Variants in MLIP observed in about 807,000 individuals in gnomAD.
MLIP encodes muscular LMNA-interacting protein.
In MLIP, 79 loss-of-function variants were observed where a neutral mutation model predicts 84.8. The observed-to-expected ratio is 0.93, with a 90% CI of 0.78 to 1.12. MLIP has a LOEUF of 1.12. MLIP is among the 50% of genes most tolerant of loss of function. The pLI is 0.00. For synonymous variants in MLIP, 504 were observed against 463.0 expected (o/e 1.09, Z -1.14); for missense variants, 1,257 against 1,160.6 (o/e 1.08, Z -1.21).
At chr6:54,170,093 T>G (rs547087424) in intron 9 of MLIP, among the ~76,000 whole-genome samples, 1 of 151,818 alleles carries the variant, frequency 6.6e-6, no homozygotes, top group East Asian at 1.9e-4. Context: ...TATGAGTAGC[T>G]GGCTCTGAGT....
intron 1 of MLIP, among the ~76,000 whole-genome samples, chr6:54,086,870 C>A (rs757206696): frequency 1.4e-4 from 22 of 152,314 alleles, no homozygotes; most frequent in African/African-American, 5.3e-4. Context: ...GAAGCCTTCT[C>A]TGTCCAACCT....
At chr6:54,055,841 G>A (rs1184944837) in intron 1 of MLIP, among the ~76,000 whole-genome samples, 1 of 152,074 alleles carries the variant, frequency 6.6e-6, no homozygotes, top group African/African-American at 2.4e-5. Flanking sequence ...TGAAGGAGGA[G>A]TGCCTGCTAA....
intron 9 of MLIP, among the ~76,000 whole-genome samples, chr6:54,172,573 C>T (rs957324516): frequency 1.3e-5 from 2 of 151,506 alleles, no homozygotes; most frequent in African/African-American, 4.8e-5. Flanking sequence ...AACCAACTTA[C>T]AAATTTGCTA....
chr6:54,256,561 A>G (rs573818070), intron 12 of MLIP, among the ~76,000 whole-genome samples: 1 of 152,260 alleles, frequency 6.6e-6, no homozygotes, highest in African/African-American at 2.4e-5. Flanking sequence ...AACAGATTTC[A>G]TTACAAACGT....
intron 4 of MLIP, among the ~76,000 whole-genome samples, chr6:54,143,452 T>G (rs1238286002): frequency 3.3e-5 from 5 of 152,080 alleles, no homozygotes; most frequent in African/African-American, 4.8e-5. Flanking sequence ...GTGATCCGCC[T>G]GCCTTGGCCC....
chr6:54,180,963 C>T (rs1250665323), intron 9 of MLIP, among the ~76,000 whole-genome samples: 1 of 152,048 alleles, frequency 6.6e-6, no homozygotes, highest in African/African-American at 2.4e-5. Context: ...ACAGTCTGGG[C>T]TTGCTTATGC....
intron 13 of MLIP, among the ~76,000 whole-genome samples, chr6:54,264,099 G>T (rs1448454916): frequency 6.6e-6 from 1 of 152,032 alleles, no homozygotes; most frequent in Non-Finnish European, 1.5e-5. Flanking sequence ...TATTTGACCT[G>T]CTGGTGGGTT....
chr6:54,194,439 C>T (rs570054435), intron 10 of MLIP, among the ~76,000 whole-genome samples: 1 of 152,170 alleles, frequency 6.6e-6, no homozygotes, highest in Admixed American at 6.5e-5. Flanking sequence ...TCAATCTGGC[C>T]AATCTGTATT....
intron 1 of MLIP, among the ~76,000 whole-genome samples, chr6:54,019,478 A>G (rs1322001140): frequency 6.6e-6 from 1 of 152,176 alleles, no homozygotes; most frequent in East Asian, 1.9e-4. Context: ...CAAGAAAAAT[A>G]AGTATTATAG....
intron 1 of MLIP, among the ~76,000 whole-genome samples, chr6:54,113,882 A>G (rs746982101): frequency 7.2e-5 from 11 of 152,222 alleles, no homozygotes; most frequent in Non-Finnish European, 1.5e-4. Context: ...ATGGTCAATC[A>G]TTTGCTCTAC....
intron 9 of MLIP, among the ~76,000 whole-genome samples, chr6:54,181,020 T>A (rs918933083): frequency 3.3e-5 from 5 of 152,230 alleles, no homozygotes; most frequent in African/African-American, 1.2e-4. Flanking sequence ...TTCCCTTACT[T>A]TCTCTCAGAG....
In MLIP at chr6:54,138,220, G is replaced by A; in HGVS notation, c.2151G>A (p.Arg717=). The change falls in exon 4 of 14, where the codon AGG becomes AGA. Residue 717 remains arginine, a synonymous_variant. Coordinates refer to ENST00000502396, the MANE Select transcript of MLIP (RefSeq NM_001281747.2). ...STPSLPISLT[R]TEELISPCAL... is the part of the protein sequence containing the mutation. ...CATCACTTCCCATATCTCTAACAAG[G>A]ACAGAGGAGCTGATTTCACCTTGTG... is the stretch of plus-strand genomic sequence containing the variant. The A allele has an allele frequency of 3.3e-6, 5 of 1,536,060 alleles. No individual in the cohort carries two copies. The highest frequency in any genetic ancestry group is 1.2e-5 in the South Asian group (1 of 84,058).
intron 1 of MLIP, among the ~76,000 whole-genome samples, chr6:54,021,984 G>T (rs919603540): frequency 2.6e-5 from 4 of 152,148 alleles, no homozygotes; most frequent in African/African-American, 9.7e-5. Context: ...ATTTTTGTGG[G>T]AAATGGTAGA....
Position 54,160,355 on chromosome 6 carries a change from A to T in MLIP, c.2290-12A>T, listed in dbSNP as rs1212762901. On this transcript the variant is annotated splice_polypyrimidine_tract_variant and intron_variant, in intron 5 of 13. Transcript: ENST00000502396. ...AGAAGCCTCATATAAGAACTATTTC[A>T]TTTGTCACTAGGCACTAGATGAACC... 1.2e-6 allele frequency: 2 copies of T among 1,610,056 alleles called. No homozygotes were observed. The highest frequency in any genetic ancestry group is 8.5e-7 in the Non-Finnish European group (1 of 1,177,344).
intron 3 of MLIP, among the ~76,000 whole-genome samples, chr6:54,133,987 G>T (rs1771602678): frequency 6.6e-6 from 1 of 151,868 alleles, no homozygotes; most frequent in South Asian, 2.1e-4. Flanking sequence ...GATGAGGTAA[G>T]AAATAAATGG....
At chr6:54,068,121 TCCCTC>T (rs1255210274) in intron 1 of MLIP, among the ~76,000 whole-genome samples, 9 of 58,998 alleles carry the variant, frequency 1.5e-4, no homozygotes, top group African/African-American at 3.1e-4. Context: ...CCTCTCCCTT[TCCCTC>T]CCCTCCCCTC....
chr6:54,244,884 T>C (rs897847994), intron 12 of MLIP, among the ~76,000 whole-genome samples: 12 of 152,294 alleles, frequency 7.9e-5, no homozygotes, highest in Middle Eastern at 6.8e-3. Flanking sequence ...CATTGTAACA[T>C]TTTTAAATAA....
Position 54,124,458 on chromosome 6 carries a change from C to T in MLIP, c.253-15C>T. 2 of 1,601,564 alleles carry T rather than the reference C, an allele frequency of 1.2e-6. No individual in the cohort carries two copies. The highest frequency in any genetic ancestry group is 8.5e-7 in the Non-Finnish European group (1 of 1,172,634). On this transcript the variant is annotated splice_polypyrimidine_tract_variant and intron_variant, in intron 2 of 13. Coordinates refer to ENST00000502396, the MANE Select transcript of MLIP (RefSeq NM_001281747.2). The stretch of plus-strand genomic sequence containing the variant: ...AACTAATGTCAATGCTTTTATCTCT[C>T]TACATCTATTACAGTCTAAATCCAA...
intron 1 of MLIP, among the ~76,000 whole-genome samples, chr6:54,074,117 C>G (rs1017026926): frequency 6.6e-6 from 1 of 152,194 alleles, no homozygotes; most frequent in African/African-American, 2.4e-5. Context: ...CGCTAAATAT[C>G]TACCACGTTC....
Sources: allele counts gnomAD v4.1 joint callset (sites outside exome capture counted in the v4.1 genomes callset), GRCh38; gene constraint gnomAD v4.1.1; transcripts MANE v1.5; gene names NCBI Gene and HGNC (gene_info 2026-07-23, HGNC 2026-07-21).